The following ALMS1 variants were observed in gnomAD, a reference collection of about 807,000 sequenced individuals.
ALMS1 encodes ALMS1 centrosome and basal body associated protein, also known as centrosome-associated protein ALMS1.
ALMS1 carries 271 observed loss-of-function variants against 352.2 expected under a neutral mutation model. The ratio of observed to expected loss-of-function variants is 0.77; its 90% CI spans 0.70 to 0.85. The LOEUF is 0.85. ALMS1 is among the 40% of genes least tolerant of loss of function. The probability of loss-of-function intolerance (pLI) is 0.00; values close to 1 mark genes in which losing one functional copy is unlikely to be tolerated. For synonymous variants in ALMS1, 1,865 were observed against 1,761.2 expected, an observed-to-expected ratio of 1.06 and a Z score of -1.48; for missense variants, 5,445 against 4,870.7, an observed-to-expected ratio of 1.12 and a Z score of -3.51.
chr2:73,568,021 T>C (rs1247853872), intron 15 of ALMS1, among the ~76,000 whole-genome samples: 1 of 152,152 alleles, frequency 6.6e-6, no homozygotes, highest in Non-Finnish European at 1.5e-5. Flanking sequence ...CAAAGAGCTT[T>C]TTACAAATCA....
rs1220608059 is a variant in ALMS1, at chr2:73,459,442, A to T, written c.7674+4147A>T. ...TCTAGTGTTTATACTTGCCTGAATAATTTATTAATAAAATAGCTTTAATTT... is the reference window on the plus strand; with the variant it reads ...TCTAGTGTTTATACTTGCCTGAATATTTTATTAATAAAATAGCTTTAATTT... On this transcript the variant is annotated intron_variant, in intron 9 of 22. Coordinates refer to ENST00000613296, the MANE Select transcript of ALMS1 (RefSeq NM_001378454.1). 5.9e-5 allele frequency: 9 copies of T among 152,196 alleles called. 1 individual carries two copies. The highest frequency in any genetic ancestry group is 1.2e-4 in the Non-Finnish European group (8 of 68,036). 9.4% of individuals were successfully genotyped at this position (152,196 alleles called of 1,614,324 possible). A position where few individuals can be genotyped will look rare whatever the true frequency, so the allele number is the denominator to read the frequency against.
intron 16 of ALMS1, among the ~76,000 whole-genome samples, chr2:73,592,052 G>A (rs1675445985): frequency 6.6e-6 from 1 of 152,064 alleles, no homozygotes; most frequent in African/African-American, 2.4e-5. Flanking sequence ...AATTTCCACT[G>A]CATTTTAGCC....
intron 9 of ALMS1, among the ~76,000 whole-genome samples, chr2:73,480,025 G>C (rs1181186191): frequency 6.6e-6 from 1 of 151,758 alleles, no homozygotes; most frequent in Non-Finnish European, 1.5e-5. Flanking sequence ...CCTGTTAAGT[G>C]AAATGTCTGT....
At chr2:73,525,529 G>C (rs1184920162) in intron 11 of ALMS1, among the ~76,000 whole-genome samples, 1 of 152,110 alleles carries the variant, frequency 6.6e-6, no homozygotes, top group Non-Finnish European at 1.5e-5. Flanking sequence ...GATGATCACT[G>C]ATGTTGAGCA....
intron 2 of ALMS1, among the ~76,000 whole-genome samples, chr2:73,411,966 C>T (rs1054767118): frequency 5.9e-5 from 9 of 152,220 alleles, no homozygotes; most frequent in African/African-American, 1.4e-4. Flanking sequence ...CTTCCGGCTA[C>T]TGCTTCGGTC....
intron 12 of ALMS1, among the ~76,000 whole-genome samples, chr2:73,541,873 T>C (rs1261699913): frequency 6.6e-6 from 1 of 152,162 alleles, no homozygotes; most frequent in African/African-American, 2.4e-5. Flanking sequence ...GAGGCAATAA[T>C]CGATAGCTTA....
At position 73,419,255 on chromosome 2, in the gene ALMS1, T is replaced by G. The variant is rs777906149; in HGVS notation, c.583T>G (p.Leu195Val). 1.2e-6 allele frequency: 2 copies of G among 1,614,070 alleles called. No individual in the cohort carries two copies. Among genetic ancestry groups the G allele is most frequent in the South Asian group, 2.2e-5 (2 of 91,086 alleles). Residue 195 changes from leucine (L) to valine (V), a missense_variant, in exon 3 of 23, where the codon TTG becomes GTG. Transcript: ENST00000613296. ...TDFPSLEEGI[L>V]TQSENQVKEP... Reference sequence around the variant, plus strand: ...CTTCCCCTCTCTGGAGGAGGGCATATTGACGCAATCAGAAAATCAAGTAAA... The same window carrying G: ...CTTCCCCTCTCTGGAGGAGGGCATAGTGACGCAATCAGAAAATCAAGTAAA...
intron 2 of ALMS1, among the ~76,000 whole-genome samples, chr2:73,416,419 A>G (rs2103694527): frequency 6.6e-6 from 1 of 152,236 alleles, no homozygotes; most frequent in East Asian, 1.9e-4. Flanking sequence ...ATTTCTCTCC[A>G]CATTTTTTTC....
At chr2:73,543,924 A>T (rs1371054691) in intron 12 of ALMS1, among the ~76,000 whole-genome samples, 1 of 152,204 alleles carries the variant, frequency 6.6e-6, no homozygotes, top group African/African-American at 2.4e-5. Flanking sequence ...GTGGGACTGT[A>T]AACTAGTTCA....
intron 15 of ALMS1, among the ~76,000 whole-genome samples, chr2:73,565,731 A>G (rs1364562476): frequency 6.6e-6 from 1 of 152,228 alleles, no homozygotes; most frequent in Non-Finnish European, 1.5e-5. Context: ...AATGAGAAAT[A>G]TATTTTAACT....
At chr2:73,560,081 G>A (rs1283778073) in intron 15 of ALMS1, among the ~76,000 whole-genome samples, 1 of 152,162 alleles carries the variant, frequency 6.6e-6, no homozygotes, top group Non-Finnish European at 1.5e-5. Flanking sequence ...AGACAAGAGT[G>A]TGAATAGGCA....
chr2:73,400,450 A>G (rs1670852154), intron 1 of ALMS1, among the ~76,000 whole-genome samples: 1 of 152,178 alleles, frequency 6.6e-6, no homozygotes, highest in African/African-American at 2.4e-5. Context: ...GGTAATACAG[A>G]CTTCATAGAA....
intron 9 of ALMS1, among the ~76,000 whole-genome samples, chr2:73,479,386 T>C (rs1265333175): frequency 6.6e-6 from 1 of 152,200 alleles, no homozygotes; most frequent in African/African-American, 2.4e-5. Context: ...CTGCCCCACC[T>C]TTTACTGAGC....
At chr2:73,588,696 A>T (rs1320094828) in intron 16 of ALMS1, among the ~76,000 whole-genome samples, 1 of 152,046 alleles carries the variant, frequency 6.6e-6, no homozygotes, top group East Asian at 1.9e-4. Flanking sequence ...TGTATTTTAG[A>T]TCTCTCCTTA....
chr2:73,577,793 T>A, intron 16 of ALMS1, among the ~76,000 whole-genome samples: 1 of 152,200 alleles, frequency 6.6e-6, no homozygotes, highest in East Asian at 1.9e-4. Context: ...AATCCTTCAT[T>A]TATGACCTTG....
Position 73,491,217 on chromosome 2 carries a change from C to T in ALMS1, c.9258C>T (p.Asp3086=), listed in dbSNP as rs1672978366. The T allele has an allele frequency of 6.2e-7, 1 of 1,614,144 alleles. No homozygotes were observed. Among genetic ancestry groups the T allele is most frequent in the Non-Finnish European group, 8.5e-7 (1 of 1,180,014 alleles). The change falls in exon 10 of 23, where the codon GAC becomes GAT. Residue 3086 remains aspartate (D), a synonymous_variant. Coordinates refer to ENST00000613296, the MANE Select transcript of ALMS1 (RefSeq NM_001378454.1). ...KARMNSEFNF[D]LHTVSSRSLE... ...GGATGAATAGTGAGTTTAACTTTGA[C>T]TTACATACTGTATCTTCGAGATCAC...
chr2:73,447,894 T>TC (rs1211069613), intron 7 of ALMS1, 66 bp from the exon 8 acceptor site: 1 of 1,492,300 alleles, frequency 6.7e-7, no homozygotes, highest in East Asian at 2.5e-5. Flanking sequence ...AGCTGGCTTT[T>TC]TTCCAGCACA....
At chr2:73,425,179 A>G (rs1419947787) in intron 5 of ALMS1, among the ~76,000 whole-genome samples, 2 of 152,154 alleles carry the variant, frequency 1.3e-5, no homozygotes, top group African/African-American at 4.8e-5. Context: ...GATAGTCATT[A>G]TTTTGAGAAT....
At chr2:73,509,536 A>G (rs1290462362) in intron 10 of ALMS1, among the ~76,000 whole-genome samples, 2 of 152,158 alleles carry the variant, frequency 1.3e-5, no homozygotes, top group African/African-American at 4.8e-5. Flanking sequence ...TTGGCGGGAT[A>G]TGAAATTCTG....
Sources: gnomAD v4.1 joint callset for allele counts (sites outside exome capture counted in the v4.1 genomes callset) on GRCh38, gnomAD v4.1.1 for gene constraint, MANE v1.5 for transcripts, NCBI Gene and HGNC (gene_info 2026-07-23, HGNC 2026-07-21) for gene names.